COL4A2: variants seen among roughly 807,000 people sequenced by gnomAD.
COL4A2 encodes collagen alpha-2(IV) chain.
COL4A2 carries 99 observed loss-of-function variants against 200.2 expected under a neutral mutation model. That is an observed-to-expected ratio of 0.49 (90% CI 0.42 to 0.58). COL4A2 has a LOEUF of 0.58. Among genes scored for constraint, COL4A2 ranks in the 20% least tolerant of loss-of-function variants. The pLI, the probability that COL4A2 is intolerant of heterozygous loss-of-function variation, is 0.00. For missense variants in COL4A2, 1,950 were observed against 2,314.1 expected (o/e 0.84, Z 3.23); for synonymous variants, 897 against 900.6 (o/e 1.00, Z 0.07).
intron 3 of COL4A2, among the ~76,000 whole-genome samples, chr13:110,349,830 C>T (rs1222772387): frequency 2.0e-5 from 3 of 151,832 alleles, no homozygotes; most frequent in African/African-American, 2.4e-5. Flanking sequence ...GTAGCACAGT[C>T]GTGGCTCACT....
At chr13:110,500,420 C>G (rs961847020) in intron 40 of COL4A2, among the ~76,000 whole-genome samples, 2 of 152,174 alleles carry the variant, frequency 1.3e-5, no homozygotes, top group African/African-American at 4.8e-5. Flanking sequence ...TCCGCCCACT[C>G]AAGTCCACAC....
intron 12 of COL4A2, among the ~76,000 whole-genome samples, chr13:110,435,218 G>A (rs1594212325): frequency 6.6e-6 from 1 of 152,096 alleles, no homozygotes; most frequent in East Asian, 1.9e-4. Flanking sequence ...CAATTAGCAA[G>A]CAGTGGGCTT....
chr13:110,483,653 C>T (rs1286650715), intron 32 of COL4A2, among the ~76,000 whole-genome samples: 1 of 148,056 alleles, frequency 6.8e-6, no homozygotes, highest in Non-Finnish European at 1.5e-5. Flanking sequence ...GAGATGTCCC[C>T]AGTAAGCAAG....
At chr13:110,377,390 C>T (rs139072817) in intron 4 of COL4A2, among the ~76,000 whole-genome samples, 39 of 152,348 alleles carry the variant, frequency 2.6e-4, no homozygotes, top group African/African-American at 8.7e-4. Context: ...TGGTCACTCT[C>T]CTGACCCTCC....
At position 110,445,787 on chromosome 13, in the gene COL4A2, T is replaced by C. The variant is rs562320703; in HGVS notation, c.958-42T>C. ...CCATTGCAGTCCCTTTTTGGAGTTATACATCAGAGACAAAAATTAAAAGCA... is the reference window on the plus strand; with the variant it reads ...CCATTGCAGTCCCTTTTTGGAGTTACACATCAGAGACAAAAATTAAAAGCA... On this transcript the variant is annotated intron_variant, in intron 16 of 47. Transcript: ENST00000360467. The C allele has an allele frequency of 1.7e-5, 27 of 1,612,236 alleles. 1 individual carries two copies. In the South Asian group the frequency reaches 2.4e-4, roughly 14 times the overall value.
At chr13:110,485,057 C>T (rs1426322555) in intron 33 of COL4A2, 30 bp downstream of exon 33, 17 of 1,544,790 alleles carry the variant, frequency 1.1e-5, no homozygotes, top group Non-Finnish European at 1.4e-5. Flanking sequence ...GCCAGGGGCC[C>T]CTAGTCCCTG....
At chr13:110,315,849 G>C (rs1885117344) in intron 3 of COL4A2, among the ~76,000 whole-genome samples, 1 of 152,224 alleles carries the variant, frequency 6.6e-6, no homozygotes, top group South Asian at 2.1e-4. Context: ...CCTCAACAGA[G>C]CTTGTTACAT....
Position 110,430,016 on chromosome 13 carries a change from A to G in COL4A2, c.549+60A>G, listed in dbSNP as rs2139458698. ...GACCCAGTGTAAATTCTCAACTAACAAAGTTAATTGCCAAGTGAACTTTGC... is the reference window on the plus strand; with the variant it reads ...GACCCAGTGTAAATTCTCAACTAACGAAGTTAATTGCCAAGTGAACTTTGC... On this transcript the variant is annotated intron_variant, in intron 8 of 47. Coordinates refer to ENST00000360467, the MANE Select transcript of COL4A2 (RefSeq NM_001846.4). 6 of 1,473,634 alleles carry G rather than the reference A, an allele frequency of 4.1e-6. No individual in the cohort carries two copies. In the South Asian group the frequency reaches 8.1e-5, roughly 20 times the overall value. The allele number at this position is 1,473,634 out of a possible 1,614,324, so 91.3% of individuals were successfully genotyped here.
chr13:110,309,356 G>A (rs555499557), intron 3 of COL4A2, among the ~76,000 whole-genome samples: 1 of 152,276 alleles, frequency 6.6e-6, no homozygotes, highest in African/African-American at 2.4e-5. Flanking sequence ...TCCCAGCCCC[G>A]ACTTAAGATC....
chr13:110,357,430 T>A, intron 3 of COL4A2, 42 bp from the exon 4 acceptor site: 2 of 1,556,712 alleles, frequency 1.3e-6, no homozygotes, highest in Non-Finnish European at 1.7e-6. Flanking sequence ...TAGTTGGCAA[T>A]GTTTAGGTAA....
chr13:110,398,691 A>G (rs2139428861), intron 4 of COL4A2, among the ~76,000 whole-genome samples: 1 of 152,208 alleles, frequency 6.6e-6, no homozygotes, highest in East Asian at 1.9e-4. Context: ...AGACTCTGTC[A>G]AAAAAGAAAG....
Position 110,443,754 on chromosome 13 carries a change from A to C in COL4A2, c.958-2075A>C, listed in dbSNP as rs570204926. Among the ~76,000 whole-genome samples the C allele has an allele frequency of 8.5e-5, 13 of 152,284 alleles. No individual in the cohort carries two copies. The South Asian group carries it at 2.5e-3, about 29-fold the overall frequency. ...AGACCTTGCCTGGAAGCGGGGTCTC[A>C]GGGAGCCCGGCGGAGCCTCCACTGG... is the stretch of plus-strand genomic sequence containing the variant. On this transcript the variant is annotated intron_variant, in intron 16 of 47. Transcript: ENST00000360467.
Position 110,503,148 on chromosome 13 carries a change from G to C in COL4A2, c.3905G>C (p.Gly1302Ala). Residue 1302 changes from glycine (G) to alanine (A), a missense_variant, in exon 42 of 48, where the codon GGT becomes GCT. Transcript: ENST00000360467. ...TATCGGGGCCCACCAGGGCCACCAG[G>C]TTCTGCTGCTCTTCCTGGAAGCAAA... ...KGYRGPPGPPGSAALPGSKGD... is the reference protein window; with the variant it reads ...KGYRGPPGPPASAALPGSKGD... 6.2e-7 allele frequency: 1 copy of C among 1,613,932 alleles called. No homozygotes were observed. The highest frequency in any genetic ancestry group is 8.5e-7 in the Non-Finnish European group (1 of 1,179,974).
Position 110,428,550 on chromosome 13 carries a change from G to GC in COL4A2, c.450dup (p.Gly151ArgfsTer3), listed in dbSNP as rs754531309. The GC allele has an allele frequency of 1.8e-5, 28 of 1,576,568 alleles. No homozygotes were observed. Among genetic ancestry groups the GC allele is most frequent in the Non-Finnish European group, 2.1e-5 (25 of 1,166,274 alleles). On this transcript the variant is annotated frameshift_variant, in exon 7 of 48. Coordinates refer to ENST00000360467, the MANE Select transcript of COL4A2 (RefSeq NM_001846.4). LOFTEE classifies it high-confidence loss of function. Reference sequence around the variant, plus strand: ...CCCAGGGAGACTCAGGTCCACAGGGGCCCCCCGGCTCTGAGGGGTTCACCG... The same window carrying GC: ...CCCAGGGAGACTCAGGTCCACAGGGGCCCCCCCGGCTCTGAGGGGTTCACCG...
At chr13:110,321,985 C>A (rs1407819303) in intron 3 of COL4A2, among the ~76,000 whole-genome samples, 1 of 152,246 alleles carries the variant, frequency 6.6e-6, no homozygotes, top group East Asian at 1.9e-4. Context: ...CAAACCATAT[C>A]AGTCCTGAAG....
At chr13:110,468,464 G>A (rs917128958) in intron 27 of COL4A2, 8 of 378,104 alleles carry the variant, frequency 2.1e-5, no homozygotes, top group East Asian at 7.3e-5. Flanking sequence ...TGCCAAGGCC[G>A]GTCTCCGGGA....
At chr13:110,390,160 A>T (rs779674585) in intron 4 of COL4A2, among the ~76,000 whole-genome samples, 2 of 152,234 alleles carry the variant, frequency 1.3e-5, no homozygotes, top group Non-Finnish European at 2.9e-5. Context: ...TATTCGTAAG[A>T]CACAATCACC....
intron 4 of COL4A2, among the ~76,000 whole-genome samples, chr13:110,396,466 TC>T (rs2139426893): frequency 6.6e-6 from 1 of 152,344 alleles, no homozygotes; most frequent in East Asian, 1.9e-4. Flanking sequence ...CTGGGTTGAA[TC>T]ACCCTGGACT....
chr13:110,456,699 G>C, intron 20 of COL4A2: 1 of 466,974 alleles, frequency 2.1e-6, no homozygotes, highest in South Asian at 1.6e-5. Context: ...CCTGGGCTGG[G>C]TGGGACACCA....
Sources: allele counts gnomAD v4.1 joint callset (sites outside exome capture counted in the v4.1 genomes callset), GRCh38; gene constraint gnomAD v4.1.1; transcripts MANE v1.5; gene names NCBI Gene and HGNC (gene_info 2026-07-23, HGNC 2026-07-21).